The following MARK3 variants were observed in gnomAD, a reference collection of about 807,000 sequenced individuals.
MARK3 encodes microtubule affinity regulating kinase 3, also known as MAP/microtubule affinity-regulating kinase 3.
In MARK3, 46 loss-of-function variants were observed where a neutral mutation model predicts 90.1. The observed-to-expected ratio is 0.51, with a 90% confidence interval of 0.40 to 0.65. The LOEUF (loss-of-function observed/expected upper bound fraction) is 0.65. Ranked by LOEUF, MARK3 falls within the 30% of genes least tolerant of loss-of-function variation. The pLI is 0.00. For missense variants in MARK3, 818 were observed against 947.2 expected (o/e 0.86, Z 1.79); for synonymous variants, 321 against 332.6 (o/e 0.97, Z 0.38).
intron 1 of MARK3, among the ~76,000 whole-genome samples, chr14:103,388,656 A>G (rs1249967488): frequency 6.6e-6 from 1 of 152,166 alleles, no homozygotes; most frequent in Non-Finnish European, 1.5e-5. Flanking sequence ...AAGGTCCCTT[A>G]TGGCCCTGTA....
intron 3 of MARK3, among the ~76,000 whole-genome samples, chr14:103,432,086 G>A (rs903400910): frequency 6.6e-6 from 1 of 151,612 alleles, no homozygotes; most frequent in African/African-American, 2.4e-5. Flanking sequence ...ATTTGTATTA[G>A]CTGCTATGTA....
chr14:103,452,933 G>A (rs1451446942), intron 5 of MARK3, among the ~76,000 whole-genome samples: 1 of 152,172 alleles, frequency 6.6e-6, no homozygotes, highest in Non-Finnish European at 1.5e-5. Flanking sequence ...TGAGTATGTG[G>A]CTATTTAAAC....
intron 1 of MARK3, among the ~76,000 whole-genome samples, chr14:103,403,327 TG>T (rs1189243606): frequency 0.04 from 10 of 250 alleles, no homozygotes; most frequent in East Asian, 0.33. Context: ...AGTGCCTGGT[TG>T]TGTGTGTGTG....
Position 103,451,928 on chromosome 14 carries a change from C to G in MARK3, c.357C>G (p.Phe119Leu). ...TCTCCTCTCCCGCAGTGAAGTTATT[C>G]GAAGTCATTGAAACTGAAAAAACAC... ...ILNHPNIVKL[F>L]EVIETEKTLY... The change falls in exon 5 of 18, where the codon TTC becomes TTG. Residue 119 changes from phenylalanine (F) to leucine (L), a missense_variant. Physicochemically the swap from Phe to Leu is conservative, Grantham distance 22 (BLOSUM62 0). Around this residue, in one of 3 missense-constraint regions of MARK3, gnomAD observed 157 missense variants for 158.7 expected, o/e 0.99. Coordinates refer to ENST00000429436, the MANE Select transcript of MARK3 (RefSeq NM_001128918.3). 6.2e-7 allele frequency: 1 copy of G among 1,611,122 alleles called. No homozygotes were observed. The highest frequency in any genetic ancestry group is 8.5e-7 in the Non-Finnish European group (1 of 1,178,218).
At chr14:103,496,250 A>G (rs2075332574) in intron 15 of MARK3, among the ~76,000 whole-genome samples, 1 of 152,136 alleles carries the variant, frequency 6.6e-6, no homozygotes, top group African/African-American at 2.4e-5. Flanking sequence ...AAGCACTTCT[A>G]TAGTAATTGA....
At chr14:103,420,028 A>C (rs527604209) in intron 2 of MARK3, among the ~76,000 whole-genome samples, 1 of 152,254 alleles carries the variant, frequency 6.6e-6, no homozygotes, top group African/African-American at 2.4e-5. Context: ...CAAGCAGACA[A>C]GGGTGAAAGA....
At chr14:103,429,281 C>G (rs186729877) in intron 3 of MARK3, 1 of 152,170 alleles carries the variant, frequency 6.6e-6, no homozygotes, top group East Asian at 1.9e-4. Context: ...GCCACTTAGC[C>G]GAATATCTGA....
chr14:103,438,453 C>T (rs1409514648), intron 3 of MARK3, among the ~76,000 whole-genome samples: 1 of 152,180 alleles, frequency 6.6e-6, no homozygotes, highest in African/African-American at 2.4e-5. Context: ...CATAAGTTCC[C>T]TTGGAGCCAG....
At chr14:103,482,926 T>C (rs956835203) in intron 14 of MARK3, among the ~76,000 whole-genome samples, 6 of 152,226 alleles carry the variant, frequency 3.9e-5, no homozygotes, top group Non-Finnish European at 5.9e-5. Flanking sequence ...AGGTGTCGTC[T>C]TTCTCTTTAG....
intron 12 of MARK3, 150 bp from the exon 13 acceptor site, chr14:103,474,843 A>G: frequency 1.6e-6 from 1 of 618,132 alleles, no homozygotes; most frequent in Admixed American, 2.9e-5. Context: ...CAAACATTAG[A>G]TATAAGTGGG....
Position 103,482,895 on chromosome 14 carries a change from A to G in MARK3, c.1586+2405A>G, listed in dbSNP as rs528054398. 5.3e-5 allele frequency among the ~76,000 whole-genome samples: 8 copies of G among 152,318 alleles called. No homozygotes were observed. The East Asian group carries it at 1.3e-3, about 26-fold the overall frequency. On this transcript the variant is annotated intron_variant, in intron 14 of 17. Coordinates refer to ENST00000429436, the MANE Select transcript of MARK3 (RefSeq NM_001128918.3). ...CTCGTTGCTTCTCTTAGCATCAGTCATTGAAATACTTTGCTTCTGAAGGTG... is the reference window on the plus strand; with the variant it reads ...CTCGTTGCTTCTCTTAGCATCAGTCGTTGAAATACTTTGCTTCTGAAGGTG...
At chr14:103,441,240 A>G (rs1191433219) in intron 3 of MARK3, among the ~76,000 whole-genome samples, 1 of 151,968 alleles carries the variant, frequency 6.6e-6, no homozygotes, top group Non-Finnish European at 1.5e-5. Context: ...TACATTTATC[A>G]GTCTTTTTTT....
At chr14:103,424,014 T>C (rs1213481979) in intron 2 of MARK3, among the ~76,000 whole-genome samples, 1 of 152,072 alleles carries the variant, frequency 6.6e-6, no homozygotes, top group African/African-American at 2.4e-5. Flanking sequence ...AAGACCAGCC[T>C]GGCCAACATG....
intron 3 of MARK3, among the ~76,000 whole-genome samples, chr14:103,438,078 G>A (rs1020726329): frequency 7.9e-5 from 12 of 151,978 alleles, no homozygotes; most frequent in South Asian, 2.1e-4. Context: ...TCGGCTAACC[G>A]CAACCTCCAC....
rs775857648 is a variant in MARK3 at position 103,465,813 on chromosome 14, T to G, written c.777+20T>G. ...CTAAAGGTATAAGAAGCTGCACCCA[T>G]GTACTTCACTAAACTAAAAGAAGTT... On this transcript the variant is annotated intron_variant, in intron 8 of 17. Transcript: ENST00000429436. 8 of 1,591,514 alleles carry G rather than the reference T, an allele frequency of 5.0e-6. No homozygotes were observed. The highest frequency in any genetic ancestry group is 6.0e-6 in the Non-Finnish European group (7 of 1,165,790).
chr14:103,403,326 TTGTG>T (rs59913493), intron 1 of MARK3, among the ~76,000 whole-genome samples: 42,182 of 138,086 alleles, frequency 0.31, 6,724 homozygotes, highest in Middle Eastern at 0.4. Context: ...TAGTGCCTGG[TTGTG>T]TGTGTGTGTG....
At chr14:103,485,975 C>T (rs2093921467) in intron 14 of MARK3, among the ~76,000 whole-genome samples, 1 of 152,072 alleles carries the variant, frequency 6.6e-6, no homozygotes, top group Non-Finnish European at 1.5e-5. Context: ...TTAAGAAAAA[C>T]ATTGCTATTT....
In MARK3 at chr14:103,475,215, G is replaced by C. The variant is rs1352776931; in HGVS notation, c.1482+5G>C. ...AAAAGCTCCACTGTCCCTAGTGTAAGTGTTGTTGAACTATAGAGTGGTCTT... is the reference window on the plus strand; with the variant it reads ...AAAAGCTCCACTGTCCCTAGTGTAACTGTTGTTGAACTATAGAGTGGTCTT... On this transcript the variant is annotated splice_donor_5th_base_variant and intron_variant, in intron 13 of 17. Transcript: ENST00000429436. 1.2e-6 allele frequency: 2 copies of C among 1,612,438 alleles called. No homozygotes were observed. The highest frequency in any genetic ancestry group is 1.7e-6 in the Non-Finnish European group (2 of 1,179,758).
intron 6 of MARK3, 46 bp downstream of exon 6, chr14:103,457,258 C>T: frequency 7.3e-7 from 1 of 1,369,714 alleles, no homozygotes. Context: ...TAATTTATCT[C>T]ACTTAAACCC....
Sources: gnomAD v4.1 joint callset for allele counts (sites outside exome capture counted in the v4.1 genomes callset) on GRCh38, gnomAD v4.1.1 for gene constraint, gnomAD v4.1.1 regional missense constraint, MANE v1.5 for transcripts, NCBI Gene and HGNC (gene_info 2026-07-23, HGNC 2026-07-21) for gene names.